CEP170B: variants seen among roughly 807,000 people sequenced by gnomAD.
The protein encoded by CEP170B is centrosomal protein 170B.
Under a neutral mutation model 120.6 loss-of-function variants are expected in CEP170B, and 55 were observed. That is an observed-to-expected ratio of 0.46 (90% CI 0.37 to 0.57). CEP170B has a LOEUF of 0.57. CEP170B is among the 20% of genes least tolerant of loss of function. CEP170B has a pLI of 0.00. For synonymous variants in CEP170B, 1,033 were observed against 954.5 expected, an observed-to-expected ratio of 1.08 and a Z score of -1.52; for missense variants, 2,212 against 2,253.3, an observed-to-expected ratio of 0.98 and a Z score of 0.37.
rs568459265 is a variant in CEP170B at position 104,865,719 on chromosome 14, C to A, written c.-28+206C>A. Among the ~76,000 whole-genome samples, 105 of 152,030 alleles carry A rather than the reference C, an allele frequency of 6.9e-4. No homozygotes were observed. Among genetic ancestry groups the A allele is most frequent in the African/African-American group, 2.4e-3 (101 of 41,532 alleles). On this transcript the variant is annotated intron_variant, in intron 1 of 18. Coordinates refer to ENST00000414716, the MANE Select transcript of CEP170B (RefSeq NM_001112726.3). This position sits in a 1 kb window ranked among gnomAD's most constrained non-coding sequence, Gnocchi z 6.7. ...TGCGCCAGGCCGGGAGGAGCCGCCC[C>A]GTTTCTACGCGGCCTGCGGAGGGGG...
Position 104,868,680 on chromosome 14 carries a change from G to A in CEP170B, c.105+125G>A. 6 of 919,546 alleles carry A rather than the reference G, an allele frequency of 6.5e-6. No homozygotes were observed. Among genetic ancestry groups the A allele is most frequent in the Non-Finnish European group, 4.9e-6 (3 of 618,108 alleles). The allele number at this position is 919,546 out of a possible 1,614,324, so 57.0% of individuals were successfully genotyped here. ...GCGAGGAGGCCGCCATGCAGCCCAG[G>A]CTGGGCCTCTTAACTTGGGTCCCGG... On this transcript the variant is annotated intron_variant, in intron 2 of 18. Transcript: ENST00000414716. The surrounding 1 kb of genome is among the most constrained non-coding windows in gnomAD (Gnocchi z 5.9).
At chr14:104,885,208 C>T (rs1326298126) in intron 9 of CEP170B, among the ~76,000 whole-genome samples, 161 bp from the exon 10 acceptor site, 4 of 152,100 alleles carry the variant, frequency 2.6e-5, no homozygotes, top group Non-Finnish European at 2.9e-5. Flanking sequence ...GTATCCCATC[C>T]GCATGTCCTG....
Position 104,883,525 on chromosome 14 carries a change from C to T in CEP170B, c.1051+17C>T, listed in dbSNP as rs754059988. 34 of 1,520,830 alleles carry T rather than the reference C, an allele frequency of 2.2e-5. No homozygotes were observed. In the Admixed American group the frequency reaches 4.8e-4, roughly 22 times the overall value. The allele number at this position is 1,520,830 out of a possible 1,614,324, so 94.2% of individuals were successfully genotyped here. On this transcript the variant is annotated intron_variant, in intron 8 of 18. Transcript: ENST00000414716. ...CCCTGAAGGGTGAGTGCCCAGCTGG[C>T]GGCCGTGCCAGTCCCGGGACAGGCA...
In CEP170B at chr14:104,886,726, C is replaced by T. The variant is rs1453215468; in HGVS notation, c.2487C>T (p.Ser829=). The stretch of plus-strand genomic sequence containing the variant: ...GCCTAGGGCAGACAGCCCAGCCCAG[C>T]CCCCCAGCACGGGATGGCGTCTATG... ...GEGLGQTAQP[S]PPARDGVYVS... Residue 829 remains serine, a synonymous_variant, in exon 12 of 19, where the codon AGC becomes AGT. Coordinates refer to ENST00000414716, the MANE Select transcript of CEP170B (RefSeq NM_001112726.3). The T allele has an allele frequency of 2.5e-6, 4 of 1,602,024 alleles. No homozygotes were observed. Among genetic ancestry groups the T allele is most frequent in the Non-Finnish European group, 3.4e-6 (4 of 1,173,748 alleles).
intron 12 of CEP170B, among the ~76,000 whole-genome samples, chr14:104,889,236 C>T (rs909132082): frequency 6.6e-6 from 1 of 152,192 alleles, no homozygotes; most frequent in Non-Finnish European, 1.5e-5. Context: ...GGGGGTTTCC[C>T]ACCTAATCAG....
In CEP170B at chr14:104,886,753, C is replaced by T. The variant is rs775596743; in HGVS notation, c.2514C>T (p.Val838=). The T allele has an allele frequency of 1.5e-5, 24 of 1,611,270 alleles. No individual in the cohort carries two copies. The highest frequency in any genetic ancestry group is 2.0e-5 in the Non-Finnish European group (24 of 1,179,372). The part of the protein sequence containing the change: ...PSPPARDGVY[V]SANGRMVIQL... ...CCCCAGCACGGGATGGCGTCTATGTCAGTGCCAATGGGAGAATGGTCATCC... is the reference window on the plus strand; with the variant it reads ...CCCCAGCACGGGATGGCGTCTATGTTAGTGCCAATGGGAGAATGGTCATCC... Residue 838 remains valine (V), a synonymous_variant, in exon 12 of 19, where the codon GTC becomes GTT. Coordinates refer to ENST00000414716, the MANE Select transcript of CEP170B (RefSeq NM_001112726.3).
rs1336392518 is a variant in CEP170B at position 104,896,180 on chromosome 14, G to A, written c.*1222G>A. Reference sequence around the variant, plus strand: ...TGGTATGAGAGTCGGACCTGGACAGGGCCAGCTGCTGGGGGAGCGGCACTG... The same window carrying A: ...TGGTATGAGAGTCGGACCTGGACAGAGCCAGCTGCTGGGGGAGCGGCACTG... On this transcript the variant is annotated 3_prime_UTR_variant, in exon 19 of 19. Coordinates refer to ENST00000414716, the MANE Select transcript of CEP170B (RefSeq NM_001112726.3). 22 of 213,820 alleles carry A rather than the reference G, an allele frequency of 1.0e-4. No homozygotes were observed. The allele number at this position is 213,820 out of a possible 1,614,324, so 13.2% of individuals were successfully genotyped here.
At chr14:104,894,003 C>T in intron 16 of CEP170B, 154 bp downstream of exon 16, 1 of 768,086 alleles carries the variant, frequency 1.3e-6, no homozygotes, top group Non-Finnish European at 2.1e-6. Flanking sequence ...GTATGTGGCT[C>T]CCAGCAGGCA....
rs1174608239 is a variant in CEP170B, at chr14:104,893,508, C to G, written c.4039-15C>G. ...CTCTGCCTGGGGCCCACGGTGCCGGCCCTCCCTCTTGCAGCTGGTGCAGCG... is the reference window on the plus strand; with the variant it reads ...CTCTGCCTGGGGCCCACGGTGCCGGGCCTCCCTCTTGCAGCTGGTGCAGCG... On this transcript the variant is annotated splice_polypyrimidine_tract_variant and intron_variant, in intron 14 of 18. Coordinates refer to ENST00000414716, the MANE Select transcript of CEP170B (RefSeq NM_001112726.3). 6.3e-7 allele frequency: 1 copy of G among 1,598,212 alleles called. No homozygotes were observed. The highest frequency in any genetic ancestry group is 8.5e-7 in the Non-Finnish European group (1 of 1,174,214).
rs532441261 is a variant in CEP170B, at chr14:104,877,049, C to T, written c.195+704C>T. Among the ~76,000 whole-genome samples, 10 of 146,528 alleles carry T rather than the reference C, an allele frequency of 6.8e-5. No individual in the cohort carries two copies. The South Asian group carries it at 1.9e-3, about 28-fold the overall frequency. On this transcript the variant is annotated intron_variant, in intron 3 of 18. Transcript: ENST00000414716. ...CTGCGCTTGGCGGACTCCAGCTTGT[C>T]CTGGGACACTCTATCTTTACTGCAC... is the stretch of plus-strand genomic sequence containing the variant.
intron 2 of CEP170B, among the ~76,000 whole-genome samples, chr14:104,875,552 T>TG (rs1268328898): frequency 2.0e-5 from 3 of 148,220 alleles, no homozygotes; most frequent in Non-Finnish European, 4.5e-5. Context: ...TGTGTGGAGT[T>TG]GGGGGCCGGG....
chr14:104,890,763 GGATGGATGGATGAGTGGGTA>G (rs1442211164), intron 13 of CEP170B, among the ~76,000 whole-genome samples: 1 of 138,648 alleles, frequency 7.2e-6, no homozygotes, highest in Non-Finnish European at 1.6e-5. Context: ...GTGAGTGGGT[GGATGGATGGATGAGTGGGTA>G]GATGGATGGA....
intron 12 of CEP170B, among the ~76,000 whole-genome samples, chr14:104,888,819 T>C (rs752565052): frequency 1.3e-5 from 2 of 152,178 alleles, no homozygotes; most frequent in Non-Finnish European, 2.9e-5. Context: ...AGGCCTTGCG[T>C]ATGGCTGGAG....
At chr14:104,888,220 G>A (rs1196827373) in intron 12 of CEP170B, among the ~76,000 whole-genome samples, 2 of 152,222 alleles carry the variant, frequency 1.3e-5, no homozygotes, top group African/African-American at 4.8e-5. Flanking sequence ...CTCTGGCGTG[G>A]AGAGGGCCTT....
At chr14:104,894,252 C>A in intron 16 of CEP170B, 33 bp from the exon 17 acceptor site, 1 of 1,484,362 alleles carries the variant, frequency 6.7e-7, no homozygotes, top group South Asian at 1.1e-5. Flanking sequence ...CTGTCCTTGT[C>A]CCCCCATTTC....
upstream of CEP170B, among the ~76,000 whole-genome samples, chr14:104,864,683 G>A (rs1895094906): frequency 6.6e-6 from 1 of 152,110 alleles, no homozygotes; most frequent in Admixed American, 6.5e-5. This position sits in a 1 kb window ranked among gnomAD's most constrained non-coding sequence, Gnocchi z 5.9. Context: ...TCAGCCCAGA[G>A]CGCCCGGGGT....
At position 104,896,332 on chromosome 14, in the gene CEP170B, G is replaced by A. The variant is rs756644846; in HGVS notation, c.*1374G>A. The stretch of plus-strand genomic sequence containing the variant: ...TGATGTTTACGTGTGTGTGTGAGGG[G>A]GGGCGGGGGTGGCAGGTGTCCCCCC... On this transcript the variant is annotated 3_prime_UTR_variant, in exon 19 of 19. Transcript: ENST00000414716. 2.9e-6 allele frequency: 1 copy of A among 339,286 alleles called. No individual in the cohort carries two copies. Among genetic ancestry groups the A allele is most frequent in the African/African-American group, 2.2e-5 (1 of 46,378 alleles). 21.0% of individuals were successfully genotyped at this position (339,286 alleles called of 1,614,324 possible). A position where few individuals can be genotyped will look rare whatever the true frequency, so the allele number is the denominator to read the frequency against.
At chr14:104,865,053 G>A (rs1318139287), upstream of CEP170B, among the ~76,000 whole-genome samples, 1 of 150,848 alleles carries the variant, frequency 6.6e-6, no homozygotes, top group Non-Finnish European at 1.5e-5. This position sits in a 1 kb window ranked among gnomAD's most constrained non-coding sequence, Gnocchi z 6.7. Flanking sequence ...GTGGGGGAAG[G>A]TGGGCCTGGG....
At chr14:104,874,842 G>A (rs981986176) in intron 2 of CEP170B, among the ~76,000 whole-genome samples, 20 of 151,936 alleles carry the variant, frequency 1.3e-4, no homozygotes, top group African/African-American at 4.4e-4. Flanking sequence ...TGGCACTAGC[G>A]TGAGGCTGGC....
Sources: allele counts gnomAD v4.1 joint callset (sites outside exome capture counted in the v4.1 genomes callset), GRCh38; gene constraint gnomAD v4.1.1; non-coding constraint Gnocchi (gnomAD v3.1); transcripts MANE v1.5; gene names NCBI Gene and HGNC (gene_info 2026-07-23, HGNC 2026-07-21).